HEATR4: variants seen among roughly 807,000 people sequenced by gnomAD.
The protein encoded by HEATR4 is HEAT repeat-containing protein 4.
Under a neutral mutation model 108.8 loss-of-function variants are expected in HEATR4, and 95 were observed. The ratio of observed to expected loss-of-function variants is 0.87; its 90% CI spans 0.74 to 1.04. The LOEUF (loss-of-function observed/expected upper bound fraction) is 1.04, where lower values mean the gene tolerates loss of function less well. HEATR4 is among the 50% of genes least tolerant of loss of function. The pLI is 0.00. For synonymous variants in HEATR4, 443 were observed against 459.4 expected, an observed-to-expected ratio of 0.96 and a Z score of 0.46; for missense variants, 1,152 against 1,253.8, an observed-to-expected ratio of 0.92 and a Z score of 1.23.
chr14:73,632,325 G>C, the HEATR4 span, among the ~76,000 whole-genome samples: 1 of 152,010 alleles, frequency 6.6e-6, no homozygotes, highest in Non-Finnish European at 1.5e-5. Flanking sequence ...CACTGTGAAA[G>C]ATTCAAGTAA....
intron 1 of HEATR4, among the ~76,000 whole-genome samples, chr14:73,558,540 G>A (rs1294634878): frequency 8.2e-6 from 1 of 121,532 alleles, no homozygotes; most frequent in Non-Finnish European, 1.7e-5. Flanking sequence ...TTTTTTTGTA[G>A]AGATAGAGTC....
chr14:73,569,976 C>CG, the HEATR4 span: 14 of 1,461,950 alleles, frequency 9.6e-6, no homozygotes, highest in East Asian at 5.0e-5. Flanking sequence ...GTATGCCCCC[C>CG]CGCCGCGCCC....
chr14:73,522,881 T>C lies in HEATR4; in HGVS notation c.272A>G (p.Tyr91Cys). 1 of 1,614,184 alleles carries C rather than the reference T, an allele frequency of 6.2e-7. No individual in the cohort carries two copies. The highest frequency in any genetic ancestry group is 8.5e-7 in the Non-Finnish European group (1 of 1,180,034). Residue 91 changes from tyrosine to cysteine, a missense_variant, in exon 3 of 18, where the codon TAC (tyrosine) becomes TGC (cysteine). Tyr to Cys is a radical substitution (Grantham distance 194, BLOSUM62 -2). Transcript: ENST00000553558. ...GGTATTGTAGAGGTGGTCAAAGCTG[T>C]ACTGGCTATAAGGAATGCTGGGCAG... ...RGLPSIPYSQ[Y>C]SFDHLYNTND... is the part of the protein sequence containing the mutation.
At chr14:73,491,994 A>G (rs371480600) in intron 17 of HEATR4, 4 of 1,613,892 alleles carry the variant, frequency 2.5e-6, no homozygotes, top group Non-Finnish European at 2.5e-6. Flanking sequence ...GCAGGCTCCA[A>G]CGTTTACCTC....
the HEATR4 span, among the ~76,000 whole-genome samples, chr14:73,603,882 CA>C: frequency 6.6e-6 from 1 of 151,452 alleles, no homozygotes; most frequent in Non-Finnish European, 1.5e-5. Context: ...TACAGGTGCG[CA>C]GCACCACACC....
chr14:73,540,723 C>T (rs1435169847), intron 1 of HEATR4, among the ~76,000 whole-genome samples: 2 of 118,082 alleles, frequency 1.7e-5, no homozygotes, highest in African/African-American at 6.0e-5. Flanking sequence ...AAAAGTGTTG[C>T]CTGTAAGGTG....
rs1202036804 is a variant in HEATR4, at chr14:73,551,808, TTAAAAAA to T, written c.-152+6936_-152+6942del. On this transcript the variant is annotated intron_variant, in intron 1 of 17. Coordinates refer to ENST00000553558, the MANE Select transcript of HEATR4 (RefSeq NM_001220484.1). ...TGGGCAACAAGAGTAAATCTCCGTC[TTAAAAAA>T]AAAAAAAAAACAGACAAAATGGCTA... Among the ~76,000 whole-genome samples, 35 of 103,010 alleles carry T rather than the reference TTAAAAAA, an allele frequency of 3.4e-4. 8 individuals carry two copies. The highest frequency in any genetic ancestry group is 1.6e-3 in the East Asian group (2 of 1,260). The allele number at this position is 103,010 out of a possible 152,430, so 67.6% of individuals were successfully genotyped here.
intron 12 of HEATR4, 85 bp downstream of exon 12, chr14:73,500,465 T>C: frequency 7.3e-7 from 1 of 1,365,096 alleles, no homozygotes; most frequent in Non-Finnish European, 1.0e-6. Flanking sequence ...CCCCACAGAA[T>C]GTTGAGCATA....
At chr14:73,595,848 G>A in the HEATR4 span, 4 of 540,730 alleles carry the variant, frequency 7.4e-6, no homozygotes, top group Non-Finnish European at 1.2e-5. Flanking sequence ...AAGATTAAGA[G>A]GCATATGACA....
chr14:73,592,199 G>A, the HEATR4 span: 1 of 1,612,078 alleles, frequency 6.2e-7, no homozygotes, highest in Non-Finnish European at 8.5e-7. Flanking sequence ...CCATGGGGCT[G>A]CTCTGGGCCC....
chr14:73,551,341 A>G (rs755382185), intron 1 of HEATR4, among the ~76,000 whole-genome samples: 4 of 114,816 alleles, frequency 3.5e-5, no homozygotes, highest in African/African-American at 5.7e-5. Flanking sequence ...CCCACTAGGA[A>G]TGTCAGGTGG....
intron 17 of HEATR4, chr14:73,491,666 C>T (rs948842910): frequency 1.3e-6 from 2 of 1,550,046 alleles, no homozygotes; most frequent in African/African-American, 1.4e-5. Context: ...GCCGCCAGAT[C>T]ACTTTTACCG....
the HEATR4 span, among the ~76,000 whole-genome samples, chr14:73,628,047 G>A: frequency 2.0e-5 from 3 of 152,098 alleles, no homozygotes; most frequent in South Asian, 6.2e-4. Context: ...GACCTCAAGT[G>A]ATCTGCCCGC....
chr14:73,569,117 T>A, the HEATR4 span: 1 of 1,188,028 alleles, frequency 8.4e-7, no homozygotes. Context: ...ACAGGAGACT[T>A]TAAGCAAGTT....
At position 73,547,838 on chromosome 14, in the gene HEATR4, A is replaced by G. The variant is rs1203044835; in HGVS notation, c.-152+10913T>C. ...GAGTCGGAGGTTGCAGTGAGCCAAG[A>G]TTGTGTTACTGCACTCCAGCCTGGA... is the stretch of plus-strand genomic sequence containing the variant. On this transcript the variant is annotated intron_variant, in intron 1 of 17. Transcript: ENST00000553558. Among the ~76,000 whole-genome samples, 3 of 115,362 alleles carry G rather than the reference A, an allele frequency of 2.6e-5. 1 individual carries two copies. Among genetic ancestry groups the G allele is most frequent in the Non-Finnish European group, 5.7e-5 (3 of 52,876 alleles). 75.7% of individuals were successfully genotyped at this position (115,362 alleles called of 152,430 possible).
chr14:73,514,945 G>C (rs930883417), intron 5 of HEATR4, among the ~76,000 whole-genome samples: 2 of 152,038 alleles, frequency 1.3e-5, no homozygotes, highest in Admixed American at 1.3e-4. Flanking sequence ...GCATGTGCTT[G>C]TAGTCTCAGC....
intron 10 of HEATR4, among the ~76,000 whole-genome samples, chr14:73,504,709 C>T (rs1219908970): frequency 6.6e-6 from 1 of 152,132 alleles, no homozygotes; most frequent in Admixed American, 6.6e-5. Context: ...ATCAAAATGT[C>T]AGGGTTACAG....
At chr14:73,525,938 G>A (rs913077411) in intron 2 of HEATR4, among the ~76,000 whole-genome samples, 4 of 133,132 alleles carry the variant, frequency 3.0e-5, no homozygotes, top group Non-Finnish European at 6.5e-5. Flanking sequence ...GGGTGACAGA[G>A]TGAGACTCCT....
chr14:73,569,391 A>T, the HEATR4 span: 1 of 1,613,960 alleles, frequency 6.2e-7, no homozygotes, highest in Non-Finnish European at 8.5e-7. Context: ...TCCACAGCTG[A>T]GGCAGGTTGG....
Sources: allele counts gnomAD v4.1 joint callset (sites outside exome capture counted in the v4.1 genomes callset), GRCh38; gene constraint gnomAD v4.1.1; transcripts MANE v1.5; gene names NCBI Gene and HGNC (gene_info 2026-07-23, HGNC 2026-07-21).